Variants in FUCA2 observed in about 807,000 individuals in gnomAD.
FUCA2 encodes the protein alpha-L-fucosidase 2, also known as plasma alpha-L-fucosidase.
A neutral mutation model predicts 52.6 loss-of-function variants in FUCA2; 41 were observed. That is an observed-to-expected ratio of 0.78 (90% CI 0.61 to 1.01). FUCA2 has a LOEUF of 1.01. Among genes scored for constraint, FUCA2 ranks in the 50% least tolerant of loss-of-function variants. The pLI is 0.00. For missense variants in FUCA2, 507 were observed against 569.5 expected, an observed-to-expected ratio of 0.89 and a Z score of 1.12; for synonymous variants, 211 against 217.3, an observed-to-expected ratio of 0.97 and a Z score of 0.26.
rs1201056842 is a variant in FUCA2, at chr6:143,503,775, A to C, written c.752+138T>G. On this transcript the variant is annotated intron_variant, in intron 3 of 6. Coordinates refer to ENST00000002165, the MANE Select transcript of FUCA2 (RefSeq NM_032020.5). This position sits in a 1 kb window ranked among gnomAD's most constrained non-coding sequence, Gnocchi z 4.8. ...TGAGTAAATAGTGATATATCTAATA[A>C]GTATTATTTACAATGATTTTCTCCC... 4.7e-6 allele frequency: 3 copies of C among 635,758 alleles called. No homozygotes were observed. The highest frequency in any genetic ancestry group is 8.0e-6 in the Non-Finnish European group (3 of 375,698). 39.4% of individuals were successfully genotyped at this position (635,758 alleles called of 1,614,324 possible). A position where few individuals can be genotyped will look rare whatever the true frequency, so the allele number is the denominator to read the frequency against.
Position 143,497,931 on chromosome 6 carries a change from C to T in FUCA2, c.1155-434G>A, listed in dbSNP as rs1362135380. Among the ~76,000 whole-genome samples the T allele has an allele frequency of 3.3e-5, 5 of 152,194 alleles. No homozygotes were observed. In the East Asian group the frequency reaches 7.7e-4, roughly 23 times the overall value. The stretch of plus-strand genomic sequence containing the variant: ...AATAAAAAACAAAACACACATAGTC[C>T]TTGTTCTTATGGAGCTTAGACTAGA... On this transcript the variant is annotated intron_variant, in intron 5 of 6. Coordinates refer to ENST00000002165, the MANE Select transcript of FUCA2 (RefSeq NM_032020.5). This position sits in a 1 kb window ranked among gnomAD's most constrained non-coding sequence, Gnocchi z 5.3.
chr6:143,497,941 T>C lies in FUCA2; in HGVS notation c.1155-444A>G, dbSNP rs1780481714. On this transcript the variant is annotated intron_variant, in intron 5 of 6. Coordinates refer to ENST00000002165, the MANE Select transcript of FUCA2 (RefSeq NM_032020.5). The surrounding 1 kb of genome is among the most constrained non-coding windows in gnomAD (Gnocchi z 5.3). Reference sequence around the variant, plus strand: ...AAAACACACATAGTCCTTGTTCTTATGGAGCTTAGACTAGAGTGGGGAAAG... The same window carrying C: ...AAAACACACATAGTCCTTGTTCTTACGGAGCTTAGACTAGAGTGGGGAAAG... Among the ~76,000 whole-genome samples, 3 of 152,228 alleles carry C rather than the reference T, an allele frequency of 2.0e-5. No individual in the cohort carries two copies. Among genetic ancestry groups the C allele is most frequent in the South Asian group, 2.1e-4 (1 of 4,834 alleles).
At chr6:143,498,233 C>G (rs1780486805) in intron 5 of FUCA2, among the ~76,000 whole-genome samples, 1 of 151,972 alleles carries the variant, frequency 6.6e-6, no homozygotes, top group Non-Finnish European at 1.5e-5. Context: ...TTATTGAAAT[C>G]TTAAAATGCT....
Position 143,507,122 on chromosome 6 carries a change from C to A in FUCA2, c.412+115G>T. ...TAAGTCATAAGCAAGTGCCAGTCACCACTTATGGTTGCTCCGAAGAGAAAA... is the reference window on the plus strand; with the variant it reads ...TAAGTCATAAGCAAGTGCCAGTCACAACTTATGGTTGCTCCGAAGAGAAAA... On this transcript the variant is annotated intron_variant, in intron 2 of 6. Transcript: ENST00000002165. This position sits in a 1 kb window ranked among gnomAD's most constrained non-coding sequence, Gnocchi z 4.5. 1 of 911,288 alleles carries A rather than the reference C, an allele frequency of 1.1e-6. No homozygotes were observed. The highest frequency in any genetic ancestry group is 1.6e-6 in the Non-Finnish European group (1 of 614,552). The allele number at this position is 911,288 out of a possible 1,614,324, so 56.5% of individuals were successfully genotyped here.
Position 143,511,681 on chromosome 6 carries a change from G to C in FUCA2, c.-47C>G. On this transcript the variant is annotated 5_prime_UTR_variant, in exon 1 of 7. Transcript: ENST00000002165. The surrounding 1 kb of genome is among the most constrained non-coding windows in gnomAD (Gnocchi z 6.3). The stretch of plus-strand genomic sequence containing the variant: ...CCTCTCTGCAGGCTCCCGCGGCCTC[G>C]GGAGCGCTGTTCTTCCGTCTCTGCC... 2.1e-6 allele frequency: 3 copies of C among 1,419,442 alleles called. No individual in the cohort carries two copies. Among genetic ancestry groups the C allele is most frequent in the Non-Finnish European group, 2.8e-6 (3 of 1,084,476 alleles). The allele number at this position is 1,419,442 out of a possible 1,614,324, so 87.9% of individuals were successfully genotyped here. A position where few individuals can be genotyped will look rare whatever the true frequency, so the allele number is the denominator to read the frequency against.
chr6:143,508,707 T>C (rs1457395837), intron 1 of FUCA2, among the ~76,000 whole-genome samples: 1 of 152,140 alleles, frequency 6.6e-6, no homozygotes, highest in African/African-American at 2.4e-5. Flanking sequence ...CTGGCTGCCA[T>C]CCTGTGACCA....
In FUCA2 at chr6:143,502,900, C is replaced by T. The variant is rs1014993556; in HGVS notation, c.753-335G>A. ...AAGAGTATTATATGAATATTTTAAGCTCCCTTCCATATTGTAAATGGTAGC... is the reference window on the plus strand; with the variant it reads ...AAGAGTATTATATGAATATTTTAAGTTCCCTTCCATATTGTAAATGGTAGC... On this transcript the variant is annotated intron_variant, in intron 3 of 6. Transcript: ENST00000002165. This position sits in a 1 kb window ranked among gnomAD's most constrained non-coding sequence, Gnocchi z 4.1. 5.4e-6 allele frequency: 1 copy of T among 186,728 alleles called. No homozygotes were observed. 11.6% of individuals were successfully genotyped at this position (186,728 alleles called of 1,614,324 possible).
At position 143,507,121 on chromosome 6, in the gene FUCA2, C is replaced by A. The variant is rs907426310; in HGVS notation, c.412+116G>T. Reference sequence around the variant, plus strand: ...CTAAGTCATAAGCAAGTGCCAGTCACCACTTATGGTTGCTCCGAAGAGAAA... The same window carrying A: ...CTAAGTCATAAGCAAGTGCCAGTCAACACTTATGGTTGCTCCGAAGAGAAA... On this transcript the variant is annotated intron_variant, in intron 2 of 6. Transcript: ENST00000002165. The surrounding 1 kb of genome is among the most constrained non-coding windows in gnomAD (Gnocchi z 4.5). 2 of 898,538 alleles carry A rather than the reference C, an allele frequency of 2.2e-6. No individual in the cohort carries two copies. Among genetic ancestry groups the A allele is most frequent in the East Asian group, 2.8e-5 (1 of 36,356 alleles). 55.7% of individuals were successfully genotyped at this position (898,538 alleles called of 1,614,324 possible). A position where few individuals can be genotyped will look rare whatever the true frequency, so the allele number is the denominator to read the frequency against.
chr6:143,501,982 A>G lies in FUCA2; in HGVS notation c.1104T>C (p.Tyr368=). The G allele has an allele frequency of 6.2e-7, 1 of 1,613,972 alleles. No homozygotes were observed. The highest frequency in any genetic ancestry group is 8.5e-7 in the Non-Finnish European group (1 of 1,179,930). Residue 368 remains tyrosine (Y), a synonymous_variant, in exon 5 of 7, where the codon TAT becomes TAC. Coordinates refer to ENST00000002165, the MANE Select transcript of FUCA2 (RefSeq NM_032020.5). This position sits in a 1 kb window ranked among gnomAD's most constrained non-coding sequence, Gnocchi z 6.1. ...TCTGGGATCGCCAGGTATGGGTTTC[A>G]TAAATAGCTTCTCCATTGACTTTTA... ...SWLKVNGEAI[Y]ETHTWRSQND...
Position 143,511,317 on chromosome 6 carries a change from G to T in FUCA2, c.224+94C>A. On this transcript the variant is annotated intron_variant, in intron 1 of 6. Transcript: ENST00000002165. This position sits in a 1 kb window ranked among gnomAD's most constrained non-coding sequence, Gnocchi z 6.3. Reference sequence around the variant, plus strand: ...GGTGAAACCGACGAGGGTGCAGGCAGCACCAGGCGGCGAACCAGGCCCGCT... The same window carrying T: ...GGTGAAACCGACGAGGGTGCAGGCATCACCAGGCGGCGAACCAGGCCCGCT... 8.5e-7 allele frequency: 1 copy of T among 1,179,754 alleles called. No individual in the cohort carries two copies. Among genetic ancestry groups the T allele is most frequent in the Non-Finnish European group, 1.2e-6 (1 of 842,808 alleles). 73.1% of individuals were successfully genotyped at this position (1,179,754 alleles called of 1,614,324 possible).
chr6:143,504,166 C>T lies in FUCA2; in HGVS notation c.499G>A (p.Val167Ile). 1 of 1,613,710 alleles carries T rather than the reference C, an allele frequency of 6.2e-7. No individual in the cohort carries two copies. The highest frequency in any genetic ancestry group is 8.5e-7 in the Non-Finnish European group (1 of 1,179,948). The change falls in exon 3 of 7, where the codon GTA (valine) becomes ATA (isoleucine). Residue 167 changes from valine (V) to isoleucine (I), a missense_variant. By Grantham distance (29) the Val-to-Ile change is conservative. Coordinates refer to ENST00000002165, the MANE Select transcript of FUCA2 (RefSeq NM_032020.5). The surrounding 1 kb of genome is among the most constrained non-coding windows in gnomAD (Gnocchi z 4.4). ...AGGTCAGTTCTGTTCCTAATGGCTA[C>T]CTCAAGTTCCTTGACAATGTCCCTC... Reference protein sequence around the residue: ...PKRDIVKELEVAIRNRTDLRF... With the variant: ...PKRDIVKELEIAIRNRTDLRF...
rs144962766 is a variant in FUCA2, at chr6:143,507,949, A to T, written c.225-525T>A. Among the ~76,000 whole-genome samples, 4 of 152,160 alleles carry T rather than the reference A, an allele frequency of 2.6e-5. No individual in the cohort carries two copies. Among genetic ancestry groups the T allele is most frequent in the African/African-American group, 9.7e-5 (4 of 41,420 alleles). On this transcript the variant is annotated intron_variant, in intron 1 of 6. Coordinates refer to ENST00000002165, the MANE Select transcript of FUCA2 (RefSeq NM_032020.5). The surrounding 1 kb of genome is among the most constrained non-coding windows in gnomAD (Gnocchi z 4.5). ...CTCCCGAAGTGTTAGGATTACAGGC[A>T]TGAGTCACCGTGTCCAGCCCCATTC...
Position 143,500,265 on chromosome 6 carries a change from T to C in FUCA2, c.1154+1667A>G, listed in dbSNP as rs1780512950. ...AAAAGACAGAGAAAAGATGATAGGATTAAAAGATAGTATGATCACTGGATT... is the reference window on the plus strand; with the variant it reads ...AAAAGACAGAGAAAAGATGATAGGACTAAAAGATAGTATGATCACTGGATT... On this transcript the variant is annotated intron_variant, in intron 5 of 6. Transcript: ENST00000002165. The surrounding 1 kb of genome is among the most constrained non-coding windows in gnomAD (Gnocchi z 6.9). 6.6e-6 allele frequency among the ~76,000 whole-genome samples: 1 copy of C among 152,060 alleles called. No individual in the cohort carries two copies. The highest frequency in any genetic ancestry group is 1.5e-5 in the Non-Finnish European group (1 of 67,986).
Position 143,498,323 on chromosome 6 carries a change from G to A in FUCA2, c.1155-826C>T, listed in dbSNP as rs539226167. Among the ~76,000 whole-genome samples the A allele has an allele frequency of 6.6e-5, 10 of 152,284 alleles. No homozygotes were observed. In the South Asian group the frequency reaches 1.9e-3, roughly 28 times the overall value. On this transcript the variant is annotated intron_variant, in intron 5 of 6. Coordinates refer to ENST00000002165, the MANE Select transcript of FUCA2 (RefSeq NM_032020.5). ...GCTTACATTCTAGTGGAAGAAATTA[G>A]AATCAACAAATATGTCAGGTGTTGA...
chr6:143,497,556 A>G lies in FUCA2; in HGVS notation c.1155-59T>C, dbSNP rs1439647086. 4 of 876,134 alleles carry G rather than the reference A, an allele frequency of 4.6e-6. No homozygotes were observed. The highest frequency in any genetic ancestry group is 1.5e-5 in the South Asian group (1 of 67,768). 54.3% of individuals were successfully genotyped at this position (876,134 alleles called of 1,614,324 possible). ...CAAGTTACATCCCATGTTTCTCACTATTTATGGATCAGGAACAATCTGGAA... is the reference window on the plus strand; with the variant it reads ...CAAGTTACATCCCATGTTTCTCACTGTTTATGGATCAGGAACAATCTGGAA... On this transcript the variant is annotated intron_variant, in intron 5 of 6. Transcript: ENST00000002165. The surrounding 1 kb of genome is among the most constrained non-coding windows in gnomAD (Gnocchi z 5.3).
In FUCA2 at chr6:143,495,892, T is replaced by C. The variant is rs1369491360; in HGVS notation, c.1264-45A>G. The C allele has an allele frequency of 6.3e-7, 1 of 1,596,898 alleles. No homozygotes were observed. On this transcript the variant is annotated intron_variant, in intron 6 of 6. Coordinates refer to ENST00000002165, the MANE Select transcript of FUCA2 (RefSeq NM_032020.5). The surrounding 1 kb of genome is among the most constrained non-coding windows in gnomAD (Gnocchi z 5.2). ...TGCAAATGTCTCCAAATTTATCTCTTTATCTCACCCACTTTCTATTGGGAA... is the reference window on the plus strand; with the variant it reads ...TGCAAATGTCTCCAAATTTATCTCTCTATCTCACCCACTTTCTATTGGGAA...
At position 143,501,293 on chromosome 6, in the gene FUCA2, C is replaced by T. The variant is rs184984639; in HGVS notation, c.1154+639G>A. Among the ~76,000 whole-genome samples, 1 of 152,154 alleles carries T rather than the reference C, an allele frequency of 6.6e-6. No individual in the cohort carries two copies. Among genetic ancestry groups the T allele is most frequent in the African/African-American group, 2.4e-5 (1 of 41,428 alleles). On this transcript the variant is annotated intron_variant, in intron 5 of 6. Transcript: ENST00000002165. This position sits in a 1 kb window ranked among gnomAD's most constrained non-coding sequence, Gnocchi z 6.1. The stretch of plus-strand genomic sequence containing the variant: ...TTGAAGAACAATTAGTCTAATCTTT[C>T]GGTTCCTATTTGATCAGACAGTACT...
rs1780659571 is a variant in FUCA2, at chr6:143,509,840, T to C, written c.224+1571A>G. On this transcript the variant is annotated intron_variant, in intron 1 of 6. Transcript: ENST00000002165. The surrounding 1 kb of genome is among the most constrained non-coding windows in gnomAD (Gnocchi z 5.4). ...TTTTTTACATCAATTGACCTACCAA[T>C]AAGAAAGGTTACTGGTTGCAGGTAG... 6.6e-6 allele frequency among the ~76,000 whole-genome samples: 1 copy of C among 152,210 alleles called. No homozygotes were observed. Among genetic ancestry groups the C allele is most frequent in the South Asian group, 2.1e-4 (1 of 4,832 alleles).
chr6:143,501,792 G>C lies in FUCA2; in HGVS notation c.1154+140C>G, dbSNP rs1273848288. 12 of 638,950 alleles carry C rather than the reference G, an allele frequency of 1.9e-5. No individual in the cohort carries two copies. The highest frequency in any genetic ancestry group is 3.9e-4 in the Middle Eastern group (1 of 2,552). 39.6% of individuals were successfully genotyped at this position (638,950 alleles called of 1,614,324 possible). On this transcript the variant is annotated intron_variant, in intron 5 of 6. Transcript: ENST00000002165. The surrounding 1 kb of genome is among the most constrained non-coding windows in gnomAD (Gnocchi z 6.1). ...AATTCTTCCCCTTCTCTTTATATTA[G>C]AGTAAGCAAAGTTTGGAAAGTGCTT...
Sources: allele counts gnomAD v4.1 joint callset (sites outside exome capture counted in the v4.1 genomes callset), GRCh38; gene constraint gnomAD v4.1.1; non-coding constraint Gnocchi (gnomAD v3.1); transcripts MANE v1.5; gene names NCBI Gene and HGNC (gene_info 2026-07-23, HGNC 2026-07-21).